Variants in CCDC192 observed in about 807,000 individuals in gnomAD.
CCDC192 encodes the protein coiled-coil domain containing 192, also known as coiled-coil domain-containing protein 192.
At chr5:127,800,352 C>A (rs1296983738) in intron 5 of CCDC192, among the ~76,000 whole-genome samples, 1 of 100,710 alleles carries the variant, frequency 9.9e-6, no homozygotes, top group African/African-American at 4.2e-5. Flanking sequence ...AAAAAACATT[C>A]CATAGGATGC....
At chr5:127,890,325 T>C (rs1258444370) in intron 6 of CCDC192, among the ~76,000 whole-genome samples, 1 of 152,102 alleles carries the variant, frequency 6.6e-6, no homozygotes, top group East Asian at 1.9e-4. Flanking sequence ...TACAGTGAGA[T>C]GTCATTTTGT....
At chr5:127,848,391 C>A (rs193095095) in intron 5 of CCDC192, among the ~76,000 whole-genome samples, 12 of 152,314 alleles carry the variant, frequency 7.9e-5, no homozygotes, top group Non-Finnish European at 2.9e-5. Flanking sequence ...CTTTTATTTT[C>A]TTGGTCTGAG....
At chr5:127,928,074 C>T (rs1259193122) in intron 6 of CCDC192, among the ~76,000 whole-genome samples, 1 of 151,512 alleles carries the variant, frequency 6.6e-6, no homozygotes, top group African/African-American at 2.4e-5. Context: ...ATTACAGGCA[C>T]CCACCACTAT....
intron 6 of CCDC192, among the ~76,000 whole-genome samples, chr5:127,926,031 C>G (rs575008237): frequency 6.6e-6 from 1 of 152,026 alleles, no homozygotes; most frequent in African/African-American, 2.4e-5. Flanking sequence ...GATTTATAGA[C>G]AAAAAAAGGG....
At chr5:127,869,201 G>A (rs1446785322) in intron 5 of CCDC192, among the ~76,000 whole-genome samples, 1 of 152,154 alleles carries the variant, frequency 6.6e-6, no homozygotes, top group Non-Finnish European at 1.5e-5. Context: ...GCACGTGCCT[G>A]TAGTCCCAGC....
intron 2 of CCDC192, among the ~76,000 whole-genome samples, chr5:127,728,883 C>T (rs1349699425): frequency 6.6e-6 from 1 of 151,908 alleles, no homozygotes; most frequent in Non-Finnish European, 1.5e-5. Context: ...TAGAAAAAAA[C>T]ACAAATTGCA....
At chr5:127,758,255 G>T (rs1754723630) in intron 3 of CCDC192, among the ~76,000 whole-genome samples, 1 of 152,034 alleles carries the variant, frequency 6.6e-6, no homozygotes, top group African/African-American at 2.4e-5. Flanking sequence ...GCATTTCTAA[G>T]GTCTCCTTCA....
intron 5 of CCDC192, among the ~76,000 whole-genome samples, chr5:127,867,807 T>C (rs1406952269): frequency 6.6e-6 from 1 of 152,232 alleles, no homozygotes; most frequent in African/African-American, 2.4e-5. Context: ...ATTTATTGTA[T>C]GATAGCTTCT....
intron 6 of CCDC192, among the ~76,000 whole-genome samples, chr5:127,910,410 A>G (rs1753313728): frequency 6.6e-6 from 1 of 152,174 alleles, no homozygotes; most frequent in African/African-American, 2.4e-5. Context: ...GATAAAACCA[A>G]TGTGGCTGGC....
At chr5:127,917,185 C>G (rs536464594) in intron 6 of CCDC192, among the ~76,000 whole-genome samples, 1 of 152,328 alleles carries the variant, frequency 6.6e-6, no homozygotes, top group African/African-American at 2.4e-5. Flanking sequence ...GCTTCCTCAC[C>G]TCTCTCAGCC....
chr5:127,874,067 C>T (rs1009090152), intron 5 of CCDC192, among the ~76,000 whole-genome samples: 1 of 152,182 alleles, frequency 6.6e-6, no homozygotes, highest in Non-Finnish European at 1.5e-5. Context: ...TATCAGCCTT[C>T]ATGTTTCAAC....
rs955858811 is a variant in CCDC192 at position 127,809,427 on chromosome 5, T to C, written c.411+11265T>C. On this transcript the variant is annotated intron_variant, in intron 5 of 6. Transcript: ENST00000514853. Reference sequence around the variant, plus strand: ...AGATCAAGGAAAATGATCAAATAAATAATTAGTGTGTTGGGGGGGATGCTA... The same window carrying C: ...AGATCAAGGAAAATGATCAAATAAACAATTAGTGTGTTGGGGGGGATGCTA... Among the ~76,000 whole-genome samples, 4 of 152,054 alleles carry C rather than the reference T, an allele frequency of 2.6e-5. No homozygotes were observed. In the South Asian group the frequency reaches 8.3e-4, roughly 31 times the overall value.
At chr5:127,895,582 G>A (rs1395851259) in intron 6 of CCDC192, among the ~76,000 whole-genome samples, 4 of 152,228 alleles carry the variant, frequency 2.6e-5, no homozygotes, top group Non-Finnish European at 5.9e-5. Flanking sequence ...ACTCACTCCT[G>A]TAATCCCAGC....
chr5:127,726,605 GCCCAGGAGGAATT>G (rs1752337546), intron 2 of CCDC192, among the ~76,000 whole-genome samples: 1 of 152,200 alleles, frequency 6.6e-6, no homozygotes, highest in South Asian at 2.1e-4. Context: ...GGTGGTTTGG[GCCCAGGAGGAATT>G]CCCCACAGCA....
At chr5:127,781,305 A>G (rs1012976071) in intron 3 of CCDC192, among the ~76,000 whole-genome samples, 3 of 152,000 alleles carry the variant, frequency 2.0e-5, no homozygotes, top group Non-Finnish European at 2.9e-5. Context: ...CTTATTTTGG[A>G]TATGCAGGAT....
At chr5:127,705,829 T>C (rs1233727177) in intron 1 of CCDC192, among the ~76,000 whole-genome samples, 1 of 152,204 alleles carries the variant, frequency 6.6e-6, no homozygotes, top group East Asian at 1.9e-4. Context: ...TGAGTTTCAC[T>C]GATAGAAGAT....
At chr5:127,820,228 A>T (rs1749220784) in intron 5 of CCDC192, among the ~76,000 whole-genome samples, 1 of 152,250 alleles carries the variant, frequency 6.6e-6, no homozygotes, top group Non-Finnish European at 1.5e-5. Flanking sequence ...TTGCTCTGCA[A>T]CCACAAAATA....
At chr5:127,791,266 G>T (rs891736676) in intron 3 of CCDC192, among the ~76,000 whole-genome samples, 24 of 152,084 alleles carry the variant, frequency 1.6e-4, no homozygotes, top group Admixed American at 7.2e-4. Flanking sequence ...TCCAATAAAA[G>T]AACACTATAA....
rs189541146 is a variant in CCDC192, at chr5:127,923,893, A to G, written c.536-17289A>G. On this transcript the variant is annotated intron_variant, in intron 6 of 6. Coordinates refer to ENST00000514853, the MANE Select transcript of CCDC192 (RefSeq NM_001317938.2). Reference sequence around the variant, plus strand: ...TATGAAGAATGCAACCACCTTGCAGATAGAAAGGAGAAACAAAAGAATCCC... The same window carrying G: ...TATGAAGAATGCAACCACCTTGCAGGTAGAAAGGAGAAACAAAAGAATCCC... Among the ~76,000 whole-genome samples, 10 of 152,364 alleles carry G rather than the reference A, an allele frequency of 6.6e-5. No homozygotes were observed. The East Asian group carries it at 1.9e-3, about 29-fold the overall frequency.
Sources: allele counts gnomAD v4.1 joint callset (sites outside exome capture counted in the v4.1 genomes callset), GRCh38; gene constraint gnomAD v4.1.1; transcripts MANE v1.5; gene names NCBI Gene and HGNC (gene_info 2026-07-23, HGNC 2026-07-21).